UBE2E2: variants seen among roughly 807,000 people sequenced by gnomAD.
The protein encoded by UBE2E2 is ubiquitin conjugating enzyme E2 E2.
Under a neutral mutation model 24.7 loss-of-function variants are expected in UBE2E2, and 6 were observed. The ratio of observed to expected loss-of-function variants is 0.24; its 90% confidence interval spans 0.13 to 0.48. The LOEUF (loss-of-function observed/expected upper bound fraction) is 0.48. Ranked by LOEUF, UBE2E2 falls within the 20% of genes least tolerant of loss-of-function variation. The pLI is 0.99. For synonymous variants in UBE2E2, 104 were observed against 83.6 expected, an observed-to-expected ratio of 1.24 and a Z score of -1.33; for missense variants, 169 against 245.0, an observed-to-expected ratio of 0.69 and a Z score of 2.07.
Position 23,262,526 on chromosome 3 carries a change from C to T in UBE2E2, c.227+45214C>T, listed in dbSNP as rs1220467816. On this transcript the variant is annotated intron_variant, in intron 3 of 5. Transcript: ENST00000396703. ...AAACTTCTGGCTTCATGCAGTCCTC[C>T]GCCTTGGTGTCCTAGAGCACTGGGA... is the stretch of plus-strand genomic sequence containing the variant. Among the ~76,000 whole-genome samples, 4 of 152,122 alleles carry T rather than the reference C, an allele frequency of 2.6e-5. No individual in the cohort carries two copies. In the East Asian group the frequency reaches 5.8e-4, roughly 22 times the overall value.
At chr3:23,539,085 C>G (rs1472952706) in intron 5 of UBE2E2, among the ~76,000 whole-genome samples, 3 of 152,154 alleles carry the variant, frequency 2.0e-5, no homozygotes, top group African/African-American at 7.2e-5. Context: ...GATTCATCCT[C>G]TTTGACTCAA....
rs139459833 is a variant in UBE2E2, at chr3:23,505,254, T to G, written c.360+5514T>G. 2.3e-3 allele frequency among the ~76,000 whole-genome samples: 348 copies of G among 152,126 alleles called. 3 individuals are homozygous for G. The highest frequency in any genetic ancestry group is 8.0e-3 in the African/African-American group (332 of 41,522). ...AAATTATAATGACTTACATCCTCAC[T>G]AAGGACTCATGTTAGGTAACAGGTC... On this transcript the variant is annotated intron_variant, in intron 4 of 5. Transcript: ENST00000396703.
intron 3 of UBE2E2, among the ~76,000 whole-genome samples, chr3:23,354,029 C>T (rs1199237479): frequency 1.3e-5 from 2 of 152,094 alleles, no homozygotes; most frequent in Admixed American, 1.3e-4. Flanking sequence ...GTACTGGTAC[C>T]AAAACAGAGA....
At chr3:23,252,268 C>T (rs1697595212) in intron 3 of UBE2E2, among the ~76,000 whole-genome samples, 1 of 152,142 alleles carries the variant, frequency 6.6e-6, no homozygotes, top group Non-Finnish European at 1.5e-5. Flanking sequence ...ATGAACTATA[C>T]AGCAGTGTGT....
chr3:23,421,837 G>C (rs974183634), intron 3 of UBE2E2, among the ~76,000 whole-genome samples: 1 of 152,258 alleles, frequency 6.6e-6, no homozygotes, highest in Non-Finnish European at 1.5e-5. Context: ...AGAGACTCAG[G>C]TGCGAGGGAG....
chr3:23,348,348 A>C lies in UBE2E2; in HGVS notation c.227+131036A>C, dbSNP rs1229952548. On this transcript the variant is annotated intron_variant, in intron 3 of 5. Transcript: ENST00000396703. ...AATAAAATGAGCCTGTGCTGCTTTCAAAAAAAAAAAAAAAAAGAATAGTCC... is the reference window on the plus strand; with the variant it reads ...AATAAAATGAGCCTGTGCTGCTTTCCAAAAAAAAAAAAAAAAGAATAGTCC... Among the ~76,000 whole-genome samples the C allele has an allele frequency of 1.5e-4, 4 of 26,052 alleles. No individual in the cohort carries two copies. In the East Asian group the frequency reaches 2.2e-3, roughly 15 times the overall value. 17.1% of individuals were successfully genotyped at this position (26,052 alleles called of 152,430 possible).
chr3:23,293,730 G>A (rs912818071), intron 3 of UBE2E2, among the ~76,000 whole-genome samples: 7 of 151,942 alleles, frequency 4.6e-5, no homozygotes, highest in African/African-American at 1.5e-4. Context: ...CATTTATTTC[G>A]TCTTTAGAAC....
At chr3:23,575,603 TA>T (rs1696330062) in intron 5 of UBE2E2, among the ~76,000 whole-genome samples, 1 of 152,142 alleles carries the variant, frequency 6.6e-6, no homozygotes, top group South Asian at 2.1e-4. Flanking sequence ...AACGACAGAT[TA>T]TTTTTCTGTT....
At chr3:23,373,724 G>A (rs938138511) in intron 3 of UBE2E2, among the ~76,000 whole-genome samples, 1 of 152,056 alleles carries the variant, frequency 6.6e-6, no homozygotes, top group African/African-American at 2.4e-5. Context: ...ATCCTGGCTT[G>A]TACTGGATGT....
chr3:23,562,519 T>C (rs1004078887), intron 5 of UBE2E2, among the ~76,000 whole-genome samples: 1 of 152,136 alleles, frequency 6.6e-6, no homozygotes. Flanking sequence ...GGGATATTGG[T>C]CTAAAATTCT....
intron 5 of UBE2E2, among the ~76,000 whole-genome samples, chr3:23,579,251 G>A (rs896413833): frequency 6.6e-6 from 1 of 152,104 alleles, no homozygotes; most frequent in African/African-American, 2.4e-5. Context: ...CAGGCATGAT[G>A]GCAGGTGCCT....
intron 3 of UBE2E2, among the ~76,000 whole-genome samples, chr3:23,364,388 TAGAGAG>T (rs752723164): frequency 6.6e-6 from 1 of 151,554 alleles, no homozygotes; most frequent in African/African-American, 2.4e-5. Context: ...GCGAGACTAA[TAGAGAG>T]AGAGACAGAA....
In UBE2E2 at chr3:23,476,848, C is replaced by G. The variant is rs149142464; in HGVS notation, c.228-22760C>G. On this transcript the variant is annotated intron_variant, in intron 3 of 5. Transcript: ENST00000396703. ...ACTGCTTCCAATATCATACATAAAA[C>G]AGGACTAATCAAATTGGATTGTGCC... Among the ~76,000 whole-genome samples the G allele has an allele frequency of 9.2e-5, 14 of 152,176 alleles. No individual in the cohort carries two copies. In the East Asian group the frequency reaches 2.5e-3, roughly 27 times the overall value.
intron 2 of UBE2E2, among the ~76,000 whole-genome samples, chr3:23,212,272 T>C (rs1246015843): frequency 6.6e-6 from 1 of 152,204 alleles, no homozygotes. Context: ...GATGCATTTT[T>C]GCTTTTCTTT....
intron 3 of UBE2E2, among the ~76,000 whole-genome samples, chr3:23,486,217 G>A (rs998061229): frequency 6.6e-6 from 1 of 152,226 alleles, no homozygotes; most frequent in African/African-American, 2.4e-5. Context: ...TTCAGTGGCA[G>A]GGAAGGCAGC....
At chr3:23,527,879 C>G (rs953667705) in intron 4 of UBE2E2, among the ~76,000 whole-genome samples, 1 of 149,914 alleles carries the variant, frequency 6.7e-6, no homozygotes, top group Non-Finnish European at 1.5e-5. Context: ...CTTAACTGTT[C>G]AGCTGTATCC....
At chr3:23,449,882 G>A (rs1698524761) in intron 3 of UBE2E2, 1 of 985,456 alleles carries the variant, frequency 1.0e-6, no homozygotes, top group Non-Finnish European at 1.2e-6. Flanking sequence ...TAATGGGGAA[G>A]GTCCCACCAG....
intron 5 of UBE2E2, among the ~76,000 whole-genome samples, chr3:23,561,692 T>C (rs1463421653): frequency 6.6e-6 from 1 of 152,032 alleles, no homozygotes; most frequent in Non-Finnish European, 1.5e-5. Context: ...TACTGATTCT[T>C]CCTACCCATG....
chr3:23,414,030 C>CT (rs1697560980), intron 3 of UBE2E2, among the ~76,000 whole-genome samples: 1 of 152,196 alleles, frequency 6.6e-6, no homozygotes, highest in Non-Finnish European at 1.5e-5. Flanking sequence ...CTTAGGAACT[C>CT]TTAATACATC....
Sources: gnomAD v4.1 joint callset for allele counts (sites outside exome capture counted in the v4.1 genomes callset) on GRCh38, gnomAD v4.1.1 for gene constraint, MANE v1.5 for transcripts, NCBI Gene and HGNC (gene_info 2026-07-23, HGNC 2026-07-21) for gene names.